The following ADAMTS12 variants were observed in gnomAD, a reference collection of about 807,000 sequenced individuals.
The protein encoded by ADAMTS12 is A disintegrin and metalloproteinase with thrombospondin motifs 12.
Under a neutral mutation model 167.8 loss-of-function variants are expected in ADAMTS12, and 118 were observed. That is an observed-to-expected ratio of 0.70 (90% CI 0.61 to 0.82). The LOEUF (loss-of-function observed/expected upper bound fraction) is 0.82, where lower values mean the gene tolerates loss of function less well. Among genes scored for constraint, ADAMTS12 ranks in the 40% least tolerant of loss-of-function variants. The pLI, the probability that ADAMTS12 is intolerant of heterozygous loss-of-function variation, is 0.00. For missense variants in ADAMTS12, 1,916 were observed against 1,998.8 expected, an observed-to-expected ratio of 0.96 and a Z score of 0.79; for synonymous variants, 704 against 716.9, an observed-to-expected ratio of 0.98 and a Z score of 0.29.
intron 18 of ADAMTS12, among the ~76,000 whole-genome samples, chr5:33,580,432 A>T (rs74799): frequency 0.21 from 32,387 of 152,120 alleles, 3,565 homozygotes; most frequent in Non-Finnish European, 0.24. Flanking sequence ...ACGGGGGAAC[A>T]GCTCCCATGA....
intron 3 of ADAMTS12, among the ~76,000 whole-genome samples, chr5:33,725,847 A>G (rs1261747606): frequency 6.6e-6 from 1 of 152,198 alleles, no homozygotes; most frequent in East Asian, 1.9e-4. Flanking sequence ...GGTTCCACTC[A>G]AGGCTGATTA....
intron 20 of ADAMTS12, among the ~76,000 whole-genome samples, chr5:33,553,057 C>T (rs1349722277): frequency 6.6e-6 from 1 of 151,996 alleles, no homozygotes; most frequent in African/African-American, 2.4e-5. Context: ...GAGCAAAGGA[C>T]ATGAACAGAC....
At chr5:33,580,731 A>G (rs933472025) in intron 18 of ADAMTS12, among the ~76,000 whole-genome samples, 7 of 152,242 alleles carry the variant, frequency 4.6e-5, no homozygotes, top group African/African-American at 1.4e-4. Flanking sequence ...GCAAAACACA[A>G]AAACCAAAAT....
intron 2 of ADAMTS12, among the ~76,000 whole-genome samples, chr5:33,783,240 G>T (rs533680108): frequency 2.0e-5 from 3 of 151,760 alleles, no homozygotes; most frequent in African/African-American, 7.3e-5. Context: ...GAATTTATGG[G>T]TTACAATGAA....
intron 2 of ADAMTS12, among the ~76,000 whole-genome samples, chr5:33,823,552 T>C (rs6872014): frequency 0.59 from 89,041 of 151,840 alleles, 26,489 homozygotes; most frequent in Non-Finnish European, 0.64. Flanking sequence ...TGGTGGGAGC[T>C]ACAGTGAGTA....
Position 33,682,629 on chromosome 5 carries a change from T to C in ADAMTS12, c.915+389A>G, listed in dbSNP as rs572444185. ...AGGTCCCAAATCTGAGAGGCTTGTG[T>C]TAAATATGCAAGAAGTAAATTAGTA... is the stretch of plus-strand genomic sequence containing the variant. On this transcript the variant is annotated intron_variant, in intron 5 of 23. Coordinates refer to ENST00000504830, the MANE Select transcript of ADAMTS12 (RefSeq NM_030955.4). Among the ~76,000 whole-genome samples, 3 of 152,298 alleles carry C rather than the reference T, an allele frequency of 2.0e-5. No individual in the cohort carries two copies. The East Asian group carries it at 5.8e-4, about 29-fold the overall frequency.
Position 33,534,954 on chromosome 5 carries a change from A to G in ADAMTS12, c.4485T>C (p.Thr1495=). The change falls in exon 23 of 24, where the codon ACT becomes ACC. Residue 1495 remains threonine, a synonymous_variant. Transcript: ENST00000504830. The part of the protein sequence containing the change: ...TSCGGGFQKR[T]VQCVPSEGNK... The stretch of plus-strand genomic sequence containing the variant: ...TGCCCTCTGAGGGCACACATTGGAC[A>G]GTCCTCTTCTGAAAGCCACCTCCAC... 2 of 1,612,312 alleles carry G rather than the reference A, an allele frequency of 1.2e-6. No homozygotes were observed. Among genetic ancestry groups the G allele is most frequent in the Non-Finnish European group, 1.7e-6 (2 of 1,179,590 alleles).
chr5:33,576,540 T>A lies in ADAMTS12; in HGVS notation c.3486A>T (p.Glu1162Asp). The A allele has an allele frequency of 5.0e-6, 8 of 1,613,862 alleles. No homozygotes were observed. Among genetic ancestry groups the A allele is most frequent in the Non-Finnish European group, 6.8e-6 (8 of 1,179,850 alleles). The change falls in exon 19 of 24, where the codon GAA becomes GAT. Residue 1162 changes from glutamate to aspartate, a missense_variant. Physicochemically the swap from Glu to Asp is conservative, Grantham distance 45. Coordinates refer to ENST00000504830, the MANE Select transcript of ADAMTS12 (RefSeq NM_030955.4). ...EMEIHSGSGE[E>D]REQPEDKDES... is the part of the protein sequence containing the mutation. The stretch of plus-strand genomic sequence containing the variant: ...CATCTTTGTCCTCAGGCTGTTCTCT[T>A]TCTTCCCCTGAGCCACTGTGAATCT...
At chr5:33,778,656 G>A (rs1177445587) in intron 2 of ADAMTS12, among the ~76,000 whole-genome samples, 3 of 151,970 alleles carry the variant, frequency 2.0e-5, no homozygotes, top group Non-Finnish European at 4.4e-5. Context: ...CAACAAAGGT[G>A]AAAATAGAGA....
At chr5:33,588,862 CCAT>C (rs1213220433) in intron 17 of ADAMTS12, 53 bp from the exon 18 acceptor site, 2 of 1,591,696 alleles carry the variant, frequency 1.3e-6, no homozygotes, top group Non-Finnish European at 1.7e-6. Flanking sequence ...CGCATATGTT[CCAT>C]TCAACCACTG....
intron 5 of ADAMTS12, among the ~76,000 whole-genome samples, chr5:33,673,358 A>G (rs1444948250): frequency 6.6e-6 from 1 of 152,200 alleles, no homozygotes. Flanking sequence ...CTCCACAGGT[A>G]CTTTCAACTC....
intron 17 of ADAMTS12, among the ~76,000 whole-genome samples, chr5:33,591,051 T>C (rs1747611309): frequency 6.6e-6 from 1 of 151,300 alleles, no homozygotes; most frequent in Non-Finnish European, 1.5e-5. Context: ...TTTATATTTA[T>C]GGAGATTTTA....
intron 2 of ADAMTS12, among the ~76,000 whole-genome samples, chr5:33,836,173 A>G (rs537428195): frequency 3.3e-5 from 5 of 152,192 alleles, no homozygotes; most frequent in Non-Finnish European, 7.3e-5. Context: ...TCACACGGCC[A>G]TGCCCACTGT....
At chr5:33,793,608 T>A (rs978615991) in intron 2 of ADAMTS12, among the ~76,000 whole-genome samples, 21 of 152,082 alleles carry the variant, frequency 1.4e-4, no homozygotes, top group African/African-American at 4.8e-4. Flanking sequence ...TTACCCAAAC[T>A]TTTTTTTCTT....
intron 18 of ADAMTS12, among the ~76,000 whole-genome samples, chr5:33,580,701 AC>A (rs1747020878): frequency 6.6e-6 from 1 of 152,142 alleles, no homozygotes; most frequent in Admixed American, 6.6e-5. Flanking sequence ...AAACCCACCA[AC>A]CTACCAACCA....
At chr5:33,688,304 G>T (rs1241945517) in intron 3 of ADAMTS12, among the ~76,000 whole-genome samples, 1 of 152,132 alleles carries the variant, frequency 6.6e-6, no homozygotes, top group East Asian at 1.9e-4. Context: ...GAGAAATCCA[G>T]CCAAACGGGC....
chr5:33,757,117 T>C (rs1745196971), intron 2 of ADAMTS12, among the ~76,000 whole-genome samples: 1 of 152,204 alleles, frequency 6.6e-6, no homozygotes, highest in Non-Finnish European at 1.5e-5. Context: ...TATTCACCTA[T>C]AGTGATGACA....
chr5:33,739,307 T>A lies in ADAMTS12; in HGVS notation c.634+12097A>T, dbSNP rs187959899. On this transcript the variant is annotated intron_variant, in intron 3 of 23. Coordinates refer to ENST00000504830, the MANE Select transcript of ADAMTS12 (RefSeq NM_030955.4). ...TAGGCAAACACACACACATTCTCCA[T>A]ACACACACACACACACTACGCACAG... Among the ~76,000 whole-genome samples, 236 of 151,066 alleles carry A rather than the reference T, an allele frequency of 1.6e-3. 3 individuals are homozygous for A. The highest frequency in any genetic ancestry group is 5.4e-3 in the African/African-American group (222 of 41,276).
rs371610056 is a variant in ADAMTS12 at position 33,576,057 on chromosome 5, G to A, written c.3969C>T (p.Ser1323=). 13 of 1,610,276 alleles carry A rather than the reference G, an allele frequency of 8.1e-6. No homozygotes were observed. Among genetic ancestry groups the A allele is most frequent in the South Asian group, 4.4e-5 (4 of 90,672 alleles). Residue 1323 remains serine (S), a synonymous_variant, in exon 19 of 24, where the codon AGC becomes AGT. Transcript: ENST00000504830. The stretch of plus-strand genomic sequence containing the variant: ...CCAGGGGTAGGAAATGTCTTACCTC[G>A]CTCCAGTTTCCGACGATCCAGTGTG... ...GSAHWIVGNW[S]ECSTTCGLGA... is the part of the protein sequence containing the mutation.
Sources: gnomAD v4.1 joint callset for allele counts (sites outside exome capture counted in the v4.1 genomes callset) on GRCh38, gnomAD v4.1.1 for gene constraint, MANE v1.5 for transcripts, NCBI Gene and HGNC (gene_info 2026-07-23, HGNC 2026-07-21) for gene names.